Variants in DDC observed in about 807,000 individuals in gnomAD.
DDC encodes dopa decarboxylase.
Under a neutral mutation model 60.0 loss-of-function variants are expected in DDC, and 43 were observed. That is an observed-to-expected ratio of 0.72 (90% CI 0.56 to 0.92). The LOEUF is 0.92. Ranked by LOEUF, DDC falls within the 40% of genes least tolerant of loss-of-function variation. The pLI is 0.00. For missense variants in DDC, 573 were observed against 620.2 expected (o/e 0.92, Z 0.81); for synonymous variants, 232 against 234.6 (o/e 0.99, Z 0.10).
At chr7:50,463,184 A>C in intron 14 of DDC, 29 bp downstream of exon 14, 2 of 1,545,758 alleles carry the variant, frequency 1.3e-6, no homozygotes, top group Non-Finnish European at 1.8e-6. Context: ...ACAAGGAGAC[A>C]GGCAGAAAAT....
chr7:50,483,903 C>A (rs1395788736), intron 9 of DDC, among the ~76,000 whole-genome samples: 82 of 139,326 alleles, frequency 5.9e-4, no homozygotes, highest in Middle Eastern at 3.5e-3. Context: ...GATTCCATCT[C>A]AAAAAAAAAA....
chr7:50,544,493 C>A (rs1351004129), intron 1 of DDC, among the ~76,000 whole-genome samples: 1 of 152,184 alleles, frequency 6.6e-6, no homozygotes, highest in Non-Finnish European at 1.5e-5. Context: ...TAGAGCCCCT[C>A]TCCTCATCTG....
rs143635148 is a variant in DDC at position 50,496,838 on chromosome 7, C to T, written c.877-1421G>A. Among the ~76,000 whole-genome samples the T allele has an allele frequency of 3.4e-3, 511 of 152,302 alleles. 6 individuals are homozygous for T. The highest frequency in any genetic ancestry group is 0.011 in the African/African-American group (472 of 41,566). ...GTTTCAGGGATGTGCACCGAGGAGGCAGCAGAAGCTTGAGGGACCTGGGGG... is the reference window on the plus strand; with the variant it reads ...GTTTCAGGGATGTGCACCGAGGAGGTAGCAGAAGCTTGAGGGACCTGGGGG... On this transcript the variant is annotated intron_variant, in intron 8 of 14. Coordinates refer to ENST00000444124, the MANE Select transcript of DDC (RefSeq NM_001082971.2).
chr7:50,528,432 C>T, intron 5 of DDC, 152 bp from the exon 6 acceptor site: 2 of 876,196 alleles, frequency 2.3e-6, no homozygotes, highest in South Asian at 1.4e-5. Context: ...TCCCTCTCCC[C>T]TGCACCTTCA....
chr7:50,490,487 G>T (rs2042975850), intron 9 of DDC, among the ~76,000 whole-genome samples: 1 of 152,156 alleles, frequency 6.6e-6, no homozygotes, highest in African/African-American at 2.4e-5. Context: ...TGGCTAACAT[G>T]GTGAAACTCC....
At chr7:50,468,762 G>A (rs143398459) in intron 12 of DDC, among the ~76,000 whole-genome samples, 11 of 152,206 alleles carry the variant, frequency 7.2e-5, no homozygotes, top group African/African-American at 2.6e-4. Flanking sequence ...TATCATAAGT[G>A]TGCTTGTTCC....
chr7:50,507,661 T>A (rs1431990433), intron 6 of DDC, among the ~76,000 whole-genome samples: 2 of 152,238 alleles, frequency 1.3e-5, no homozygotes, highest in Non-Finnish European at 2.9e-5. Flanking sequence ...CTCTTAAGAT[T>A]TTGGTTAACA....
intron 9 of DDC, among the ~76,000 whole-genome samples, chr7:50,487,588 T>C (rs1401654934): frequency 6.6e-6 from 1 of 152,136 alleles, no homozygotes; most frequent in African/African-American, 2.4e-5. Flanking sequence ...GGATCTTTAT[T>C]TGCATGACTG....
intron 6 of DDC, among the ~76,000 whole-genome samples, chr7:50,506,524 C>T (rs2043401042): frequency 6.6e-6 from 1 of 152,196 alleles, no homozygotes; most frequent in Admixed American, 6.5e-5. Flanking sequence ...GAAAGGTGAA[C>T]TTGCAAGTGA....
At chr7:50,526,323 A>T (rs2044036701) in intron 6 of DDC, among the ~76,000 whole-genome samples, 1 of 152,108 alleles carries the variant, frequency 6.6e-6, no homozygotes, top group Admixed American at 6.6e-5. Context: ...GCTACCAAAC[A>T]CTCTAGAATT....
chr7:50,460,331 C>G (rs868305699), intron 14 of DDC, among the ~76,000 whole-genome samples: 1 of 141,870 alleles, frequency 7.0e-6, no homozygotes, highest in African/African-American at 2.6e-5. Context: ...CCCCTCTGCC[C>G]GGCCAGCCGC....
intron 1 of DDC, among the ~76,000 whole-genome samples, chr7:50,548,460 C>G (rs1316805070): frequency 6.6e-6 from 1 of 152,172 alleles, no homozygotes; most frequent in Non-Finnish European, 1.5e-5. Flanking sequence ...AGCCTTATTT[C>G]TGATATGGAG....
At position 50,491,550 on chromosome 7, in the gene DDC, T is replaced by C. The variant is rs182476551; in HGVS notation, c.944+3800A>G. On this transcript the variant is annotated intron_variant, in intron 9 of 14. Transcript: ENST00000444124. The stretch of plus-strand genomic sequence containing the variant: ...GAGGGGAAGAAATGTGAACGGAAAA[T>C]AAAAACTTGGTGCCTCAATTTACTA... Among the ~76,000 whole-genome samples the C allele has an allele frequency of 4.5e-3, 685 of 152,120 alleles. 5 individuals carry two copies. Among genetic ancestry groups the C allele is most frequent in the Non-Finnish European group, 4.1e-3 (282 of 67,994 alleles).
At chr7:50,508,840 A>G (rs2043471422) in intron 6 of DDC, among the ~76,000 whole-genome samples, 1 of 152,128 alleles carries the variant, frequency 6.6e-6, no homozygotes, top group South Asian at 2.1e-4. Context: ...CCAGCTTTAC[A>G]ATCCTTTGGC....
At chr7:50,537,782 C>T (rs2044468056) in intron 4 of DDC, 78 bp downstream of exon 4, 7 of 1,569,564 alleles carry the variant, frequency 4.5e-6, no homozygotes, top group Non-Finnish European at 4.4e-6. Context: ...AGCATGAGTG[C>T]CTCTTTCCCC....
At chr7:50,530,607 C>T (rs1410008942) in intron 4 of DDC, among the ~76,000 whole-genome samples, 5 of 152,146 alleles carry the variant, frequency 3.3e-5, no homozygotes, top group Non-Finnish European at 7.3e-5. Flanking sequence ...GGTTCACTAA[C>T]TTGCCCCAAA....
intron 8 of DDC, among the ~76,000 whole-genome samples, chr7:50,498,069 A>G (rs560793699): frequency 1.3e-5 from 2 of 152,364 alleles, no homozygotes; most frequent in East Asian, 3.9e-4. Context: ...ATGCAATTTC[A>G]GTATTTACTG....
intron 4 of DDC, among the ~76,000 whole-genome samples, chr7:50,537,357 G>A (rs370785212): frequency 1.2e-4 from 19 of 152,394 alleles, no homozygotes; most frequent in East Asian, 7.7e-4. Context: ...CACAGAGTCT[G>A]TAGCTGGAAG....
At chr7:50,508,196 A>G (rs1463988476) in intron 6 of DDC, among the ~76,000 whole-genome samples, 1 of 152,224 alleles carries the variant, frequency 6.6e-6, no homozygotes, top group African/African-American at 2.4e-5. Flanking sequence ...CTGAGCTACA[A>G]GTCAGCCTGT....
Sources: gnomAD v4.1 joint callset for allele counts (sites outside exome capture counted in the v4.1 genomes callset) on GRCh38, gnomAD v4.1.1 for gene constraint, MANE v1.5 for transcripts, NCBI Gene and HGNC (gene_info 2026-07-23, HGNC 2026-07-21) for gene names.